Variants in CELF4 observed in about 807,000 individuals in gnomAD.
CELF4 encodes CUG-BP- and ETR-3-like factor 4.
Under a neutral mutation model 59.9 loss-of-function variants are expected in CELF4, and 18 were observed. The ratio of observed to expected loss-of-function variants is 0.30; its 90% CI spans 0.21 to 0.45. The LOEUF is 0.45. CELF4 is among the 20% of genes least tolerant of loss of function. The pLI, the probability that CELF4 is intolerant of heterozygous loss-of-function variation, is 1.00. For missense variants in CELF4, 456 were observed against 689.0 expected, an observed-to-expected ratio of 0.66 and a Z score of 3.79; for synonymous variants, 261 against 267.1, an observed-to-expected ratio of 0.98 and a Z score of 0.22.
At chr18:37,265,228 C>CACGTGTGTGTACGTGTGT (rs2076971561) in intron 9 of CELF4, among the ~76,000 whole-genome samples, 1 of 151,448 alleles carries the variant, frequency 6.6e-6, no homozygotes, top group African/African-American at 2.4e-5. Flanking sequence ...TACGTGTGTG[C>CACGTGTGTGTACGTGTGT]GCGCACGTGC....
Position 37,412,592 on chromosome 18 carries a change from G to A in CELF4, c.369+72933C>T, listed in dbSNP as rs142306990. Among the ~76,000 whole-genome samples, 656 of 152,068 alleles carry A rather than the reference G, an allele frequency of 4.3e-3. 4 individuals are homozygous for A. The highest frequency in any genetic ancestry group is 0.015 in the African/African-American group (626 of 41,478). On this transcript the variant is annotated intron_variant, in intron 2 of 12. Transcript: ENST00000420428. ...TGAATGGGTGAATGGTTGAGTGGAC[G>A]GGTACGTGTGTGTGGATGGGTGGGT...
intron 2 of CELF4, among the ~76,000 whole-genome samples, chr18:37,476,380 T>C (rs1603642130): frequency 1.3e-5 from 2 of 152,204 alleles, no homozygotes; most frequent in Admixed American, 1.3e-4. Flanking sequence ...GCCACCCACA[T>C]GGCGCCCCCT....
intron 2 of CELF4, among the ~76,000 whole-genome samples, chr18:37,369,609 G>A (rs2098833722): frequency 1.3e-5 from 2 of 152,236 alleles, no homozygotes; most frequent in Non-Finnish European, 1.5e-5. Context: ...CTCTGCCCTC[G>A]TTGCTTATAG....
In CELF4 at chr18:37,408,494, G is replaced by GCGGC. The variant is rs1658224140; in HGVS notation, c.369+77030_369+77031insGCCG. Among the ~76,000 whole-genome samples the GCGGC allele has an allele frequency of 8.1e-5, 4 of 49,120 alleles. 1 individual carries two copies. The highest frequency in any genetic ancestry group is 1.9e-4 in the African/African-American group (4 of 21,262). 32.2% of individuals were successfully genotyped at this position (49,120 alleles called of 152,430 possible). ...TTTTTTCCCCCTTTGGTTGGTGCCG[G>GCGGC]GGGGGGGCGCGGTGCAGGAGGATGT... On this transcript the variant is annotated intron_variant, in intron 2 of 12. Coordinates refer to ENST00000420428, the MANE Select transcript of CELF4 (RefSeq NM_020180.4).
chr18:37,286,757 G>A (rs975797780), intron 3 of CELF4, among the ~76,000 whole-genome samples: 3 of 152,126 alleles, frequency 2.0e-5, no homozygotes, highest in Non-Finnish European at 2.9e-5. Context: ...CAGCCACCAC[G>A]CCCATTCCCC....
At chr18:37,284,461 A>T (rs75192949) in intron 3 of CELF4, among the ~76,000 whole-genome samples, 1,630 of 152,204 alleles carry the variant, frequency 0.011, 34 homozygotes, top group African/African-American at 0.038. Context: ...CTGGCCTCAC[A>T]GTGCACCATG....
chr18:37,554,855 C>T (rs899605538), intron 1 of CELF4, among the ~76,000 whole-genome samples: 2 of 152,152 alleles, frequency 1.3e-5, no homozygotes, highest in Non-Finnish European at 2.9e-5. Context: ...CCAGGACTGC[C>T]CCAAGAGAAT....
intron 2 of CELF4, among the ~76,000 whole-genome samples, chr18:37,451,910 A>G (rs1202094771): frequency 6.6e-6 from 1 of 152,090 alleles, no homozygotes. Context: ...CTCCTCCACC[A>G]GCAAACCTAG....
rs559683284 is a variant in CELF4 at position 37,343,917 on chromosome 18, C to G, written c.370-22036G>C. 2.6e-5 allele frequency among the ~76,000 whole-genome samples: 4 copies of G among 152,282 alleles called. No individual in the cohort carries two copies. The South Asian group carries it at 8.3e-4, about 32-fold the overall frequency. ...CTCACCACGGCTGGTTCTTCCCTCCCTCCTTCACCCTGGCTGTTCCCTTTG... is the reference window on the plus strand; with the variant it reads ...CTCACCACGGCTGGTTCTTCCCTCCGTCCTTCACCCTGGCTGTTCCCTTTG... On this transcript the variant is annotated intron_variant, in intron 2 of 12. Coordinates refer to ENST00000420428, the MANE Select transcript of CELF4 (RefSeq NM_020180.4).
intron 12 of CELF4, among the ~76,000 whole-genome samples, chr18:37,250,229 TAGAG>T (rs1265022242): frequency 1.3e-5 from 2 of 152,154 alleles, no homozygotes; most frequent in African/African-American, 2.4e-5. Context: ...AAAGATTGCT[TAGAG>T]AAACTCCAGT....
chr18:37,318,303 C>T (rs1305216954), intron 3 of CELF4, among the ~76,000 whole-genome samples: 1 of 151,708 alleles, frequency 6.6e-6, no homozygotes, highest in Non-Finnish European at 1.5e-5. Flanking sequence ...CCGCTTATCC[C>T]CTCACCTCTC....
intron 1 of CELF4, among the ~76,000 whole-genome samples, chr18:37,500,631 T>C (rs1162344918): frequency 6.6e-6 from 1 of 151,616 alleles, no homozygotes; most frequent in Non-Finnish European, 1.5e-5. Flanking sequence ...CCTCCTGGGT[T>C]CATGCCATTC....
intron 1 of CELF4, among the ~76,000 whole-genome samples, chr18:37,522,319 A>G (rs558731147): frequency 9.9e-5 from 15 of 152,128 alleles, no homozygotes; most frequent in Non-Finnish European, 1.9e-4. Flanking sequence ...TCTGCCTCTG[A>G]CCAGTGCCAG....
At chr18:37,386,977 C>T (rs556962119) in intron 2 of CELF4, among the ~76,000 whole-genome samples, 59 of 152,316 alleles carry the variant, frequency 3.9e-4, no homozygotes, top group African/African-American at 1.4e-3. Flanking sequence ...TGGACTGTGC[C>T]TCTCACTGGT....
intron 3 of CELF4, among the ~76,000 whole-genome samples, chr18:37,295,972 G>A (rs1053576800): frequency 1.3e-5 from 2 of 152,176 alleles, no homozygotes; most frequent in African/African-American, 4.8e-5. Flanking sequence ...CAGCTGGAGA[G>A]GAGCTCTGTG....
At chr18:37,502,802 G>A (rs573067846) in intron 1 of CELF4, among the ~76,000 whole-genome samples, 6 of 152,278 alleles carry the variant, frequency 3.9e-5, no homozygotes, top group African/African-American at 1.4e-4. Flanking sequence ...CAAGGCCTCG[G>A]TAACATCTCA....
chr18:37,465,890 G>A (rs1013335550), intron 2 of CELF4, among the ~76,000 whole-genome samples: 2 of 152,166 alleles, frequency 1.3e-5, no homozygotes, highest in Admixed American at 6.5e-5. Flanking sequence ...AAGGAAAAGA[G>A]AGCTCAGTAT....
In CELF4 at chr18:37,276,383, A is replaced by C. The variant is rs1204083002; in HGVS notation, c.449-1140T>G. The C allele has an allele frequency of 2.0e-5, 3 of 152,212 alleles. No individual in the cohort carries two copies. The East Asian group carries it at 5.8e-4, about 29-fold the overall frequency. 9.4% of individuals were successfully genotyped at this position (152,212 alleles called of 1,614,324 possible). The stretch of plus-strand genomic sequence containing the variant: ...CTTCCCCTTGACTGCTCTAACAAAT[A>C]AAGAATGGCAGAAGTGATGCCAGGT... On this transcript the variant is annotated intron_variant, in intron 3 of 12. Coordinates refer to ENST00000420428, the MANE Select transcript of CELF4 (RefSeq NM_020180.4).
chr18:37,487,586 G>A (rs927669313), intron 1 of CELF4, among the ~76,000 whole-genome samples: 1 of 152,148 alleles, frequency 6.6e-6, no homozygotes, highest in Non-Finnish European at 1.5e-5. Flanking sequence ...CCCCCGTGAC[G>A]TCGTCCCTCG....
Sources: allele counts gnomAD v4.1 joint callset (sites outside exome capture counted in the v4.1 genomes callset), GRCh38; gene constraint gnomAD v4.1.1; transcripts MANE v1.5; gene names NCBI Gene and HGNC (gene_info 2026-07-23, HGNC 2026-07-21).